ZNF385D: variants seen among roughly 807,000 people sequenced by gnomAD.
The protein encoded by ZNF385D is zinc finger protein 385D.
Under a neutral mutation model 35.8 loss-of-function variants are expected in ZNF385D, and 15 were observed. That is an observed-to-expected ratio of 0.42 (90% CI 0.28 to 0.64). ZNF385D has a LOEUF of 0.64. ZNF385D is among the 30% of genes least tolerant of loss of function. The pLI is 0.23. For synonymous variants in ZNF385D, 212 were observed against 186.8 expected (o/e 1.13, Z -1.10); for missense variants, 474 against 494.6 (o/e 0.96, Z 0.39).
At chr3:21,574,932 A>G (rs1226077118) in intron 2 of ZNF385D, among the ~76,000 whole-genome samples, 1 of 151,876 alleles carries the variant, frequency 6.6e-6, no homozygotes, top group African/African-American at 2.4e-5. Flanking sequence ...TCTTTTGGAG[A>G]TCTAGGGATA....
At chr3:21,423,843 C>G (rs921411757) in intron 7 of ZNF385D, 120 bp downstream of exon 7, 1 of 865,322 alleles carries the variant, frequency 1.2e-6, no homozygotes, top group African/African-American at 1.8e-5. Flanking sequence ...AATCTGAACT[C>G]AACTCAAAAA....
intron 3 of ZNF385D, among the ~76,000 whole-genome samples, chr3:21,801,209 G>A (rs1026091566): frequency 2.6e-5 from 4 of 152,200 alleles, no homozygotes; most frequent in East Asian, 1.9e-4. Context: ...TAAATAAGCT[G>A]TTGGATTTGG....
intron 3 of ZNF385D, among the ~76,000 whole-genome samples, chr3:21,800,401 TAA>T (rs1181638434): frequency 1.3e-5 from 2 of 152,194 alleles, no homozygotes; most frequent in African/African-American, 4.8e-5. Context: ...TTCATTTACT[TAA>T]GTCTTCTTTA....
At position 22,309,031 on chromosome 3, in the gene ZNF385D, T is replaced by C. The variant is rs75508196; in HGVS notation, c.106+63419A>G. Among the ~76,000 whole-genome samples the C allele has an allele frequency of 4.4e-3, 676 of 152,210 alleles. 8 individuals carry two copies. The highest frequency in any genetic ancestry group is 0.036 in the East Asian group (185 of 5,178). ...CTAATTTTTCCATTCTCTGTACTTG[T>C]ATGAAAATACTGCCAGAAAGGAAAT... On this transcript the variant is annotated intron_variant, in intron 2 of 5. Coordinates refer to the ZNF385D transcript ENST00000494108.
In ZNF385D at chr3:21,786,902, G is replaced by C. The variant is rs542843857; in HGVS notation, c.326-121874C>G. ...GTGAAGTAGTCCATTATATTATTTG[G>C]GGAATTATGCTACAAAGAAAAAGAT... On this transcript the variant is annotated intron_variant, in intron 3 of 5. Coordinates refer to the ZNF385D transcript ENST00000494108. Among the ~76,000 whole-genome samples, 169 of 152,028 alleles carry C rather than the reference G, an allele frequency of 1.1e-3. 1 individual carries two copies. In the Middle Eastern group the frequency reaches 0.014, roughly 12 times the overall value.
intron 2 of ZNF385D, among the ~76,000 whole-genome samples, chr3:21,658,421 ATC>A (rs1176827457): frequency 3.3e-5 from 5 of 152,170 alleles, no homozygotes; most frequent in Admixed American, 3.3e-4. Context: ...GATGTCAGTT[ATC>A]TAATGCATAA....
At chr3:21,662,224 G>A (rs144676193) in intron 2 of ZNF385D, among the ~76,000 whole-genome samples, 28 of 152,244 alleles carry the variant, frequency 1.8e-4, no homozygotes, top group East Asian at 5.8e-4. Context: ...GTGTCTAAGC[G>A]TGGCACAGAA....
chr3:21,866,781 C>T (rs981235688), intron 3 of ZNF385D, among the ~76,000 whole-genome samples: 1 of 152,102 alleles, frequency 6.6e-6, no homozygotes, highest in Non-Finnish European at 1.5e-5. Context: ...TAATGCCGTG[C>T]TTTTATCAAT....
At chr3:21,483,420 A>G (rs1455038479) in intron 4 of ZNF385D, among the ~76,000 whole-genome samples, 2 of 152,180 alleles carry the variant, frequency 1.3e-5, no homozygotes, top group Non-Finnish European at 2.9e-5. Context: ...GTATGTGAGG[A>G]TTAACAGAAC....
intron 4 of ZNF385D, among the ~76,000 whole-genome samples, chr3:21,490,894 T>G (rs1411435462): frequency 7.7e-6 from 1 of 129,398 alleles, no homozygotes; most frequent in East Asian, 2.2e-4. Flanking sequence ...CATTATTCAC[T>G]GAGCATCACT....
Position 22,099,378 on chromosome 3 carries a change from C to A in ZNF385D, c.325+69439G>T, listed in dbSNP as rs531442434. Among the ~76,000 whole-genome samples, 57 of 152,198 alleles carry A rather than the reference C, an allele frequency of 3.7e-4. No individual in the cohort carries two copies. The South Asian group carries it at 6.4e-3, about 17-fold the overall frequency. On this transcript the variant is annotated intron_variant, in intron 3 of 5. Coordinates refer to the ZNF385D transcript ENST00000494108. ...AAAGGGAGCAGACCAGGTATGGATA[C>A]TGTAAATAATTTCTTAAAGTATGAG...
At chr3:21,722,936 A>G (rs762919707) in intron 1 of ZNF385D, among the ~76,000 whole-genome samples, 1 of 152,166 alleles carries the variant, frequency 6.6e-6, no homozygotes, top group East Asian at 1.9e-4. Context: ...GTTGTCCTCA[A>G]TTAGTTCCCT....
intron 3 of ZNF385D, among the ~76,000 whole-genome samples, chr3:21,904,453 T>C (rs17568017): frequency 0.08 from 12,123 of 152,208 alleles, 546 homozygotes; most frequent in Middle Eastern, 0.1. Flanking sequence ...AAAAAACTAC[T>C]ATGCAGGCTA....
rs561060749 is a variant in ZNF385D, at chr3:22,244,443, C to T, written c.107-75408G>A. Reference sequence around the variant, plus strand: ...AAATAAATATCAAGTATATTCTTATCATCAATACAAGAAATACAATTTCTG... The same window carrying T: ...AAATAAATATCAAGTATATTCTTATTATCAATACAAGAAATACAATTTCTG... On this transcript the variant is annotated intron_variant, in intron 2 of 5. Coordinates refer to the ZNF385D transcript ENST00000494108. Among the ~76,000 whole-genome samples, 36 of 144,840 alleles carry T rather than the reference C, an allele frequency of 2.5e-4. 2 individuals are homozygous for T.
intron 4 of ZNF385D, among the ~76,000 whole-genome samples, chr3:21,452,072 G>A (rs927710614): frequency 6.6e-6 from 1 of 151,932 alleles, no homozygotes; most frequent in African/African-American, 2.4e-5. Context: ...TAATTTTATA[G>A]CACTTAGAAT....
chr3:21,577,987 T>C (rs925107106), intron 2 of ZNF385D, among the ~76,000 whole-genome samples: 29 of 151,770 alleles, frequency 1.9e-4, no homozygotes, highest in Non-Finnish European at 3.8e-4. Context: ...TTTTTTAAAT[T>C]TTTTCTTTGT....
At chr3:22,368,775 A>C (rs546102387) in intron 2 of ZNF385D, among the ~76,000 whole-genome samples, 26 of 152,270 alleles carry the variant, frequency 1.7e-4, no homozygotes, top group African/African-American at 6.0e-4. Context: ...CTCAAATACT[A>C]TCCCATTAAG....
chr3:22,154,791 T>G (rs908491526), intron 3 of ZNF385D, among the ~76,000 whole-genome samples: 1 of 152,196 alleles, frequency 6.6e-6, no homozygotes, highest in Non-Finnish European at 1.5e-5. Flanking sequence ...GCAGGAATAC[T>G]TCAGATAACT....
chr3:21,425,099 G>A (rs1336599900), intron 6 of ZNF385D, among the ~76,000 whole-genome samples: 1 of 152,096 alleles, frequency 6.6e-6, no homozygotes, highest in East Asian at 1.9e-4. Flanking sequence ...CTTGTAGCAC[G>A]TAAATATCTA....
Sources: gnomAD v4.1 joint callset for allele counts (sites outside exome capture counted in the v4.1 genomes callset) on GRCh38, gnomAD v4.1.1 for gene constraint, MANE v1.5 for transcripts, NCBI Gene and HGNC (gene_info 2026-07-23, HGNC 2026-07-21) for gene names.